The following SORCS1 variants were observed in gnomAD, a reference collection of about 807,000 sequenced individuals.
The protein encoded by SORCS1 is sortilin related VPS10 domain containing receptor 1.
SORCS1 carries 60 observed loss-of-function variants against 146.1 expected under a neutral mutation model. The ratio of observed to expected loss-of-function variants is 0.41; its 90% CI spans 0.33 to 0.51. The LOEUF (loss-of-function observed/expected upper bound fraction) is 0.51, where lower values mean the gene tolerates loss of function less well. Ranked by LOEUF, SORCS1 falls within the 20% of genes least tolerant of loss-of-function variation. The pLI, the probability that SORCS1 is intolerant of heterozygous loss-of-function variation, is 0.21. For missense variants in SORCS1, 1,352 were observed against 1,487.6 expected (o/e 0.91, Z 1.50); for synonymous variants, 637 against 584.0 (o/e 1.09, Z -1.31).
intron 21 of SORCS1, among the ~76,000 whole-genome samples, chr10:106,615,867 G>A (rs971324614): frequency 3.3e-5 from 5 of 152,122 alleles, no homozygotes; most frequent in African/African-American, 9.7e-5. Flanking sequence ...AGCAAGGCAT[G>A]GGAGGTGCTT....
chr10:106,807,760 T>C (rs1947259562), intron 3 of SORCS1, among the ~76,000 whole-genome samples: 1 of 152,258 alleles, frequency 6.6e-6, no homozygotes, highest in Non-Finnish European at 1.5e-5. Flanking sequence ...GCTCCAACTA[T>C]GTTTGGGTCA....
At chr10:106,618,622 G>A (rs941620113) in intron 20 of SORCS1, among the ~76,000 whole-genome samples, 2 of 152,122 alleles carry the variant, frequency 1.3e-5, no homozygotes, top group East Asian at 3.9e-4. Flanking sequence ...AATGATCAAA[G>A]CAAATGAGAA....
intron 3 of SORCS1, among the ~76,000 whole-genome samples, chr10:106,825,269 CTTTTTTT>C (rs35830829): frequency 8.4e-6 from 1 of 119,190 alleles, no homozygotes; most frequent in Non-Finnish European, 1.7e-5. Context: ...GAGATTTCAA[CTTTTTTT>C]TTTTTTTTTT....
chr10:106,577,294 A>G lies in SORCS1; in HGVS notation c.*126T>C, dbSNP rs1844625115. The G allele has an allele frequency of 1.2e-6, 2 of 1,608,930 alleles. No homozygotes were observed. The highest frequency in any genetic ancestry group is 2.7e-5 in the African/African-American group (2 of 74,746). Reference sequence around the variant, plus strand: ...AACTATGGAAATACTTCCTGGCAAAATAGGAAACAGAACAACAAAGGAAAG... The same window carrying G: ...AACTATGGAAATACTTCCTGGCAAAGTAGGAAACAGAACAACAAAGGAAAG... On this transcript the variant is annotated 3_prime_UTR_variant, in exon 26 of 26. Transcript: ENST00000263054.
chr10:106,645,818 T>A (rs1849386522), intron 18 of SORCS1, among the ~76,000 whole-genome samples: 1 of 152,104 alleles, frequency 6.6e-6, no homozygotes, highest in Non-Finnish European at 1.5e-5. Context: ...TTACAAATAC[T>A]TTTTTCCCTC....
chr10:107,053,296 A>G (rs1173354152), intron 1 of SORCS1, among the ~76,000 whole-genome samples: 1 of 152,182 alleles, frequency 6.6e-6, no homozygotes, highest in Non-Finnish European at 1.5e-5. Flanking sequence ...TCCACTTTAC[A>G]CACTTATGAT....
intron 21 of SORCS1, among the ~76,000 whole-genome samples, chr10:106,615,469 A>G (rs1462794645): frequency 1.3e-5 from 2 of 152,096 alleles, no homozygotes; most frequent in East Asian, 3.9e-4. Context: ...TTCCTGTTTA[A>G]CTTTGCCTGC....
chr10:106,752,356 TAAATGACAA>T (rs1431809029), intron 5 of SORCS1, among the ~76,000 whole-genome samples: 2 of 152,188 alleles, frequency 1.3e-5, no homozygotes, highest in Non-Finnish European at 2.9e-5. Flanking sequence ...GTGATCCTAA[TAAATGACAA>T]AAATCCTCAC....
chr10:106,711,129 G>A (rs1320836862), intron 6 of SORCS1, among the ~76,000 whole-genome samples: 2 of 152,132 alleles, frequency 1.3e-5, no homozygotes, highest in Non-Finnish European at 2.9e-5. Context: ...GTTATTCACT[G>A]TTGTGTCCAC....
chr10:106,693,038 CA>C lies in SORCS1; in HGVS notation c.1414-4701del, dbSNP rs1175646710. Among the ~76,000 whole-genome samples, 13 of 152,132 alleles carry C rather than the reference CA, an allele frequency of 8.5e-5. 1 individual carries two copies. The highest frequency in any genetic ancestry group is 1.5e-4 in the Non-Finnish European group (10 of 68,022). On this transcript the variant is annotated intron_variant, in intron 9 of 25. Transcript: ENST00000263054. The stretch of plus-strand genomic sequence containing the variant: ...TAAACATATTGTTTAAAATTACCTT[CA>C]GGCTATGTGATAAGGTATATATGAA...
At chr10:106,607,063 G>T in intron 23 of SORCS1, 103 bp downstream of exon 23, 2 of 1,461,008 alleles carry the variant, frequency 1.4e-6, no homozygotes, top group Non-Finnish European at 9.3e-7. Context: ...TGGTGAAGCT[G>T]TAGTTAGGAT....
At chr10:106,597,553 T>C (rs993796865) in intron 23 of SORCS1, 103 bp from the exon 24 acceptor site, 1 of 790,278 alleles carries the variant, frequency 1.3e-6, no homozygotes, top group Admixed American at 2.2e-5. Flanking sequence ...CACAATATTA[T>C]ACCCGTGAGT....
chr10:107,079,567 CAA>C (rs756035582), intron 1 of SORCS1, among the ~76,000 whole-genome samples: 3 of 152,156 alleles, frequency 2.0e-5, no homozygotes, highest in African/African-American at 7.2e-5. Flanking sequence ...CAGTGTAAGG[CAA>C]AGAGCCAGAA....
At chr10:107,012,881 T>C (rs748309659) in intron 1 of SORCS1, among the ~76,000 whole-genome samples, 2 of 152,162 alleles carry the variant, frequency 1.3e-5, no homozygotes, top group Non-Finnish European at 2.9e-5. Flanking sequence ...TCTTACCAAA[T>C]ATGAAGGATG....
chr10:107,126,762 T>A (rs539936481), intron 1 of SORCS1, among the ~76,000 whole-genome samples: 11 of 152,208 alleles, frequency 7.2e-5, no homozygotes, highest in African/African-American at 2.6e-4. Flanking sequence ...TTTCCCTGCA[T>A]CCCAGTTGAG....
At chr10:106,944,138 T>A (rs1190997949) in intron 2 of SORCS1, among the ~76,000 whole-genome samples, 1 of 152,222 alleles carries the variant, frequency 6.6e-6, no homozygotes, top group Non-Finnish European at 1.5e-5. Flanking sequence ...GGTCACCAGT[T>A]TTGTTCTTTG....
intron 1 of SORCS1, among the ~76,000 whole-genome samples, chr10:107,122,609 TA>T (rs1173420713): frequency 6.6e-6 from 1 of 152,218 alleles, no homozygotes; most frequent in Non-Finnish European, 1.5e-5. Flanking sequence ...CTTTTTAAGT[TA>T]ATTTTCTTTA....
intron 1 of SORCS1, among the ~76,000 whole-genome samples, chr10:107,001,268 G>A (rs1052558692): frequency 6.6e-6 from 1 of 152,116 alleles, no homozygotes; most frequent in Non-Finnish European, 1.5e-5. Flanking sequence ...CAGATGTAAA[G>A]GTCTCTAAAA....
intron 3 of SORCS1, among the ~76,000 whole-genome samples, chr10:106,802,427 G>A (rs1209474879): frequency 6.6e-6 from 1 of 151,976 alleles, no homozygotes; most frequent in Non-Finnish European, 1.5e-5. Flanking sequence ...TGCCTCCCGG[G>A]TTCAAACAAT....
Sources: gnomAD v4.1 joint callset for allele counts (sites outside exome capture counted in the v4.1 genomes callset) on GRCh38, gnomAD v4.1.1 for gene constraint, MANE v1.5 for transcripts, NCBI Gene and HGNC (gene_info 2026-07-23, HGNC 2026-07-21) for gene names.